Variants in RIC8B observed in about 807,000 individuals in gnomAD.
The protein encoded by RIC8B is RIC8 guanine nucleotide exchange factor B, also known as chaperone Ric-8B.
RIC8B carries 16 observed loss-of-function variants against 57.5 expected under a neutral mutation model. The ratio of observed to expected loss-of-function variants is 0.28; its 90% CI spans 0.19 to 0.42. The LOEUF is 0.42. Ranked by LOEUF, RIC8B falls within the 10% of genes least tolerant of loss-of-function variation. The pLI is 1.00. For missense variants in RIC8B, 481 were observed against 677.0 expected (o/e 0.71, Z 3.21); for synonymous variants, 216 against 250.8 (o/e 0.86, Z 1.31).
chr12:106,869,118 G>A (rs1211685983), intron 8 of RIC8B, among the ~76,000 whole-genome samples: 8 of 151,876 alleles, frequency 5.3e-5, no homozygotes, highest in Admixed American at 5.2e-4. Flanking sequence ...TTATATATTG[G>A]GTTTCTAATG....
intron 9 of RIC8B, among the ~76,000 whole-genome samples, chr12:106,881,247 C>T (rs1462511352): frequency 1.3e-5 from 2 of 151,918 alleles, no homozygotes; most frequent in African/African-American, 2.4e-5. Flanking sequence ...AAATAGAAAA[C>T]AAGAATACCT....
intron 8 of RIC8B, among the ~76,000 whole-genome samples, chr12:106,861,633 A>C (rs1949938727): frequency 6.6e-6 from 1 of 152,108 alleles, no homozygotes; most frequent in Non-Finnish European, 1.5e-5. Flanking sequence ...CAAGTATTTG[A>C]AGCTAAGATA....
rs952774036 is a variant in RIC8B at position 106,814,934 on chromosome 12, T to C, written c.371T>C (p.Ile124Thr). The C allele has an allele frequency of 6.9e-5, 111 of 1,614,070 alleles. No homozygotes were observed. Among genetic ancestry groups the C allele is most frequent in the Non-Finnish European group, 9.2e-5 (109 of 1,180,040 alleles). The change falls in exon 3 of 10, where the codon ATA (isoleucine) becomes ACA (threonine). Residue 124 changes from isoleucine to threonine, a missense_variant. Ile to Thr is a moderately conservative substitution (Grantham distance 89, BLOSUM62 -1). Transcript: ENST00000392837. ...GAGTCATTAAAATGTCTGTGTAATA[T>C]AGTGTTCAACAGTCAGATGGCACAG... is the stretch of plus-strand genomic sequence containing the variant. ...IVESLKCLCN[I>T]VFNSQMAQQL... is the part of the protein sequence containing the mutation.
Position 106,886,022 on chromosome 12 carries a change from C to T in RIC8B, c.*7C>T. 6.4e-7 allele frequency: 1 copy of T among 1,567,492 alleles called. No individual in the cohort carries two copies. ...CAGCTCTGACACAGACTAAAAGCATCACCTGCTCAACTCTCAATATTGCTT... is the reference window on the plus strand; with the variant it reads ...CAGCTCTGACACAGACTAAAAGCATTACCTGCTCAACTCTCAATATTGCTT... On this transcript the variant is annotated 3_prime_UTR_variant, in exon 10 of 10. Transcript: ENST00000392837.
intron 9 of RIC8B, chr12:106,872,941 G>A (rs61942363): frequency 0.019 from 13,864 of 744,644 alleles, 140 homozygotes; most frequent in Middle Eastern, 0.03. Context: ...CAGATACTTG[G>A]CTTACTAATA....
chr12:106,863,106 G>A (rs1419232278), intron 8 of RIC8B, among the ~76,000 whole-genome samples: 1 of 152,062 alleles, frequency 6.6e-6, no homozygotes, highest in Non-Finnish European at 1.5e-5. Flanking sequence ...TGATATAACT[G>A]GCTGGTATGG....
chr12:106,841,214 A>G (rs999383790), intron 4 of RIC8B, among the ~76,000 whole-genome samples: 27 of 152,198 alleles, frequency 1.8e-4, no homozygotes, highest in Non-Finnish European at 2.9e-5. Context: ...AGGGCAATCA[A>G]ATAACTTGTA....
At chr12:106,806,265 A>G (rs2045014075) in intron 2 of RIC8B, among the ~76,000 whole-genome samples, 1 of 152,090 alleles carries the variant, frequency 6.6e-6, no homozygotes, top group African/African-American at 2.4e-5. Context: ...TGTTTTTATC[A>G]AGGCCATTTG....
chr12:106,854,704 A>G (rs147450919), intron 7 of RIC8B, among the ~76,000 whole-genome samples: 12,449 of 152,082 alleles, frequency 0.082, 764 homozygotes, highest in African/African-American at 0.16. Flanking sequence ...GGGGAGAATC[A>G]CTTGAACCCG....
chr12:106,868,200 G>A, intron 8 of RIC8B: 2 of 438,442 alleles, frequency 4.6e-6, no homozygotes, highest in South Asian at 3.3e-5. Context: ...GCTTACCAGT[G>A]TGTCCTCCTG....
intron 1 of RIC8B, among the ~76,000 whole-genome samples, chr12:106,782,026 T>C (rs1489728796): frequency 6.6e-6 from 1 of 152,002 alleles, no homozygotes; most frequent in East Asian, 1.9e-4. Context: ...TCTTTCTTTT[T>C]CTTGTTCTTT....
intron 2 of RIC8B, among the ~76,000 whole-genome samples, chr12:106,803,990 T>C (rs2044874459): frequency 6.6e-6 from 1 of 152,210 alleles, no homozygotes. Flanking sequence ...CCTAATAACT[T>C]GTCCAGATCT....
intron 9 of RIC8B, 88 bp downstream of exon 9, chr12:106,871,030 A>C (rs1167271448): frequency 1.5e-6 from 2 of 1,320,514 alleles, no homozygotes. Flanking sequence ...TAGAACAGCA[A>C]CTCTGGAAAT....
At chr12:106,812,086 A>C (rs910498841) in intron 2 of RIC8B, among the ~76,000 whole-genome samples, 11 of 152,234 alleles carry the variant, frequency 7.2e-5, no homozygotes, top group African/African-American at 2.4e-4. Flanking sequence ...TAATTTAAAA[A>C]GAGTCGTTGT....
intron 4 of RIC8B, among the ~76,000 whole-genome samples, chr12:106,828,331 A>C (rs1477116728): frequency 6.6e-6 from 1 of 152,196 alleles, no homozygotes; most frequent in Admixed American, 6.5e-5. Flanking sequence ...TAATCCATTT[A>C]AATTCAATGA....
intron 7 of RIC8B, among the ~76,000 whole-genome samples, chr12:106,854,628 TA>T (rs1283268841): frequency 6.6e-6 from 1 of 152,068 alleles, no homozygotes; most frequent in African/African-American, 2.4e-5. Context: ...CCGTCTCTAC[TA>T]AAAATATAAA....
In RIC8B at chr12:106,886,535, G is replaced by T. The variant is rs1951189664; in HGVS notation, c.*520G>T. 1 of 152,758 alleles carries T rather than the reference G, an allele frequency of 6.5e-6. No individual in the cohort carries two copies. The highest frequency in any genetic ancestry group is 1.5e-5 in the Non-Finnish European group (1 of 68,204). The allele number at this position is 152,758 out of a possible 1,614,324, so 9.5% of individuals were successfully genotyped here. A position where few individuals can be genotyped will look rare whatever the true frequency, so the allele number is the denominator to read the frequency against. ...TAGCCCCATTCTTCATATCAATTTTGTATAAATATATAGAAACACACACAC... is the reference window on the plus strand; with the variant it reads ...TAGCCCCATTCTTCATATCAATTTTTTATAAATATATAGAAACACACACAC... On this transcript the variant is annotated 3_prime_UTR_variant, in exon 10 of 10. Transcript: ENST00000392837.
chr12:106,784,118 A>G, intron 2 of RIC8B, 74 bp downstream of exon 2: 1 of 1,342,734 alleles, frequency 7.4e-7, no homozygotes. Context: ...AGCAGTGGTC[A>G]TGTTTTCATC....
At chr12:106,865,816 C>A (rs1285176090) in intron 8 of RIC8B, among the ~76,000 whole-genome samples, 2 of 152,176 alleles carry the variant, frequency 1.3e-5, no homozygotes, top group Non-Finnish European at 2.9e-5. Flanking sequence ...TACTTGCACC[C>A]TTTCTTGCTA....
Sources: allele counts gnomAD v4.1 joint callset (sites outside exome capture counted in the v4.1 genomes callset), GRCh38; gene constraint gnomAD v4.1.1; transcripts MANE v1.5; gene names NCBI Gene and HGNC (gene_info 2026-07-23, HGNC 2026-07-21).